The following C12orf43 variants were observed in gnomAD, a reference collection of about 807,000 sequenced individuals.
The protein encoded by C12orf43 is chromosome 12 open reading frame 43.
A neutral mutation model predicts 20.6 loss-of-function variants in C12orf43; 15 were observed. That is an observed-to-expected ratio of 0.73 (90% CI 0.49 to 1.12). C12orf43 has a LOEUF of 1.12. Among genes scored for constraint, C12orf43 ranks in the 50% most tolerant of loss-of-function variants. The pLI is 0.00. For missense variants in C12orf43, 334 were observed against 344.4 expected (o/e 0.97, Z 0.24); for synonymous variants, 144 against 130.8 (o/e 1.10, Z -0.69).
intron 3 of C12orf43, among the ~76,000 whole-genome samples, chr12:121,008,459 G>T (rs1878193613): frequency 6.6e-6 from 1 of 152,160 alleles, no homozygotes; most frequent in Non-Finnish European, 1.5e-5. Context: ...GATTTCTTTG[G>T]AGAAACATGA....
At chr12:121,015,439 T>C (rs1868814563) in intron 1 of C12orf43, among the ~76,000 whole-genome samples, 1 of 152,252 alleles carries the variant, frequency 6.6e-6, no homozygotes, top group South Asian at 2.1e-4. Context: ...TGAAGCCCGG[T>C]TCTCTTCTCA....
In C12orf43 at chr12:121,016,388, C is replaced by T. The variant is rs1468960734; in HGVS notation, c.87G>A (p.Ala29=). The change falls in exon 1 of 6, where the codon GCG becomes GCA. Residue 29 remains alanine, a synonymous_variant. Transcript: ENST00000288757. Reference sequence around the variant, plus strand: ...GCTCCAAGCCCCAAGCCGGCATTGCCGCCTCGCGGCACCGCTCCAGCTCCT... The same window carrying T: ...GCTCCAAGCCCCAAGCCGGCATTGCTGCCTCGCGGCACCGCTCCAGCTCCT... ...DAEELERCRE[A]AMPAWGLEQR... is the part of the protein sequence containing the mutation. 1.2e-6 allele frequency: 2 copies of T among 1,613,948 alleles called. No individual in the cohort carries two copies. The highest frequency in any genetic ancestry group is 4.5e-5 in the East Asian group (2 of 44,886).
In C12orf43 at chr12:121,004,290, C is replaced by T; in HGVS notation, c.652G>A (p.Val218Ile). ...AATTPTSMAT[V>I]QKQKSGELNG... ...AGCTCACCTGACTTCTGCTTCTGGACTGTGGCCATGCTGGTGGGGGTGGTG... is the reference window on the plus strand; with the variant it reads ...AGCTCACCTGACTTCTGCTTCTGGATTGTGGCCATGCTGGTGGGGGTGGTG... The change falls in exon 6 of 6, where the codon GTC becomes ATC. Residue 218 changes from valine to isoleucine, a missense_variant. Val to Ile is a conservative substitution (Grantham distance 29). Transcript: ENST00000288757. The surrounding 1 kb of genome is among the most constrained non-coding windows in gnomAD (Gnocchi z 5.6). The T allele has an allele frequency of 6.2e-7, 1 of 1,614,250 alleles. No homozygotes were observed. Among genetic ancestry groups the T allele is most frequent in the Non-Finnish European group, 8.5e-7 (1 of 1,180,048 alleles).
At chr12:121,008,429 C>G (rs1211426976) in intron 3 of C12orf43, among the ~76,000 whole-genome samples, 2 of 152,236 alleles carry the variant, frequency 1.3e-5, no homozygotes, top group East Asian at 1.9e-4. Flanking sequence ...GCTGCCACGC[C>G]TGGCCTAAGG....
At position 121,002,530 on chromosome 12, in the gene C12orf43, A is replaced by G. The variant is rs1245829660; in HGVS notation, c.*1623T>C. The G allele has an allele frequency of 2.0e-6, 1 of 499,364 alleles. No homozygotes were observed. Among genetic ancestry groups the G allele is most frequent in the Non-Finnish European group, 3.9e-6 (1 of 253,290 alleles). 30.9% of individuals were successfully genotyped at this position (499,364 alleles called of 1,614,324 possible). A position where few individuals can be genotyped will look rare whatever the true frequency, so the allele number is the denominator to read the frequency against. On this transcript the variant is annotated 3_prime_UTR_variant, in exon 6 of 6. Transcript: ENST00000288757. ...GGTGGAAACTTCTTGCTTGTCCACA[A>G]ATCATTCAGATGGGGTTTGGGCAGG...
At chr12:121,010,041 C>T (rs887311916) in intron 3 of C12orf43, among the ~76,000 whole-genome samples, 8 of 152,254 alleles carry the variant, frequency 5.3e-5, no homozygotes, top group African/African-American at 1.7e-4. Flanking sequence ...GTGGCTCACG[C>T]TTGTAATCCC....
intron 1 of C12orf43, among the ~76,000 whole-genome samples, chr12:121,014,964 G>T: frequency 6.8e-6 from 1 of 146,948 alleles, no homozygotes; most frequent in Non-Finnish European, 1.5e-5. Context: ...TCCTAGTTTT[G>T]AAAAAAAAAA....
rs1221159437 is a variant in C12orf43, at chr12:121,011,179, A to T, written c.146-33T>A. 4 of 1,604,368 alleles carry T rather than the reference A, an allele frequency of 2.5e-6. No homozygotes were observed. In the East Asian group the frequency reaches 8.9e-5, roughly 36 times the overall value. Reference sequence around the variant, plus strand: ...AAAATGAAAATTAGGGCATTTATAGAGGAAACAATGACAGCAACAACAAAT... The same window carrying T: ...AAAATGAAAATTAGGGCATTTATAGTGGAAACAATGACAGCAACAACAAAT... On this transcript the variant is annotated intron_variant, in intron 1 of 5. Coordinates refer to ENST00000288757, the MANE Select transcript of C12orf43 (RefSeq NM_022895.3).
At position 121,005,823 on chromosome 12, in the gene C12orf43, G is replaced by A; in HGVS notation, c.361+498C>T. On this transcript the variant is annotated intron_variant, in intron 4 of 5. Transcript: ENST00000288757. This position sits in a 1 kb window ranked among gnomAD's most constrained non-coding sequence, Gnocchi z 5.6. ...AAGAATGGTGAGGTGGCCCATGCCT[G>A]TAACCCCAGTACTTTGGTAGTCTGA... 6.3e-6 allele frequency: 1 copy of A among 159,820 alleles called. No individual in the cohort carries two copies. Among genetic ancestry groups the A allele is most frequent in the Non-Finnish European group, 1.4e-5 (1 of 72,972 alleles). The allele number at this position is 159,820 out of a possible 1,614,324, so 9.9% of individuals were successfully genotyped here. A position where few individuals can be genotyped will look rare whatever the true frequency, so the allele number is the denominator to read the frequency against.
chr12:121,000,873 G>A lies in C12orf43; in HGVS notation c.*3280C>T. 1 of 699,120 alleles carries A rather than the reference G, an allele frequency of 1.4e-6. No homozygotes were observed. The highest frequency in any genetic ancestry group is 1.7e-5 in the South Asian group (1 of 59,984). The allele number at this position is 699,120 out of a possible 1,614,324, so 43.3% of individuals were successfully genotyped here. A position where few individuals can be genotyped will look rare whatever the true frequency, so the allele number is the denominator to read the frequency against. ...AAGATGTACTCAGGCCACTCCATGG[G>A]CGGCCGTGGACCCTGGCTGGGAGGC... On this transcript the variant is annotated 3_prime_UTR_variant, in exon 6 of 6. Coordinates refer to ENST00000288757, the MANE Select transcript of C12orf43 (RefSeq NM_022895.3).
intron 1 of C12orf43, 113 bp downstream of exon 1, chr12:121,016,217 C>G (rs1474099877): frequency 2.6e-6 from 4 of 1,520,278 alleles, no homozygotes; most frequent in Admixed American, 3.4e-5. Context: ...CCCTGGAGGT[C>G]TCTCGGGGAA....
chr12:121,000,955 G>A lies in C12orf43; in HGVS notation c.*3198C>T, dbSNP rs779891769. ...CTTTGGGGTTCCTGTTATCTGCTGT[G>A]ATCCAGGAGGTGTGGCCCTGCCTCC... On this transcript the variant is annotated 3_prime_UTR_variant, in exon 6 of 6. Coordinates refer to ENST00000288757, the MANE Select transcript of C12orf43 (RefSeq NM_022895.3). 4.4e-4 allele frequency: 640 copies of A among 1,447,002 alleles called. No homozygotes were observed. The highest frequency in any genetic ancestry group is 4.3e-4 in the Non-Finnish European group (445 of 1,043,086). 89.6% of individuals were successfully genotyped at this position (1,447,002 alleles called of 1,614,324 possible).
At chr12:121,016,146 G>A (rs1592926357) in intron 1 of C12orf43, 184 bp downstream of exon 1, 2 of 925,620 alleles carry the variant, frequency 2.2e-6, no homozygotes, top group East Asian at 2.6e-5. Flanking sequence ...TCCCCGACTG[G>A]AATAATGAAA....
chr12:121,009,660 A>G (rs1878296513), intron 3 of C12orf43, among the ~76,000 whole-genome samples: 1 of 152,234 alleles, frequency 6.6e-6, no homozygotes, highest in Non-Finnish European at 1.5e-5. Flanking sequence ...CTCCCCAGAC[A>G]CTGAATCTGC....
Position 121,002,127 on chromosome 12 carries a change from A to C in C12orf43, c.*2026T>G. ...GCTCACAAGGCAGCAAGGCCCGAGC[A>C]GCTGAGCAGGGCCGGGGAACTGGCC... On this transcript the variant is annotated 3_prime_UTR_variant, in exon 6 of 6. Coordinates refer to ENST00000288757, the MANE Select transcript of C12orf43 (RefSeq NM_022895.3). 1.9e-6 allele frequency: 1 copy of C among 528,908 alleles called. No individual in the cohort carries two copies. The highest frequency in any genetic ancestry group is 1.9e-5 in the African/African-American group (1 of 53,852). The allele number at this position is 528,908 out of a possible 1,614,324, so 32.8% of individuals were successfully genotyped here.
intron 1 of C12orf43, among the ~76,000 whole-genome samples, chr12:121,014,822 T>C (rs1014030763): frequency 1.3e-5 from 2 of 151,626 alleles, no homozygotes; most frequent in Middle Eastern, 3.4e-3. Context: ...CTACAAAAAA[T>C]ACAAAAAGTA....
Position 121,010,940 on chromosome 12 carries a change from A to ACCTT in C12orf43, c.189-15_189-14insAAGG. On this transcript the variant is annotated splice_polypyrimidine_tract_variant and intron_variant, in intron 2 of 5. Transcript: ENST00000288757. Reference sequence around the variant, plus strand: ...TTCACCTTATGCCTACGACACACACAAAGAGACCTCACTTCCTGCCCGCTC... The same window carrying ACCTT: ...TTCACCTTATGCCTACGACACACACACCTTAAGAGACCTCACTTCCTGCCCGCTC... 3 of 1,613,936 alleles carry ACCTT rather than the reference A, an allele frequency of 1.9e-6. No individual in the cohort carries two copies. In the South Asian group the frequency reaches 3.3e-5, roughly 18 times the overall value.
chr12:121,010,495 A>G (rs1328977063), intron 3 of C12orf43, among the ~76,000 whole-genome samples: 1 of 152,148 alleles, frequency 6.6e-6, no homozygotes, highest in African/African-American at 2.4e-5. Flanking sequence ...AACAGTCCCT[A>G]CCTCTCAGGG....
At chr12:121,014,276 G>C (rs954918653) in intron 1 of C12orf43, among the ~76,000 whole-genome samples, 29 of 152,038 alleles carry the variant, frequency 1.9e-4, no homozygotes, top group African/African-American at 7.0e-4. Context: ...AGGTTGCAGG[G>C]AGCCAAGATC....
Sources: gnomAD v4.1 joint callset for allele counts (sites outside exome capture counted in the v4.1 genomes callset) on GRCh38, gnomAD v4.1.1 for gene constraint, Gnocchi (gnomAD v3.1) non-coding constraint, MANE v1.5 for transcripts, NCBI Gene and HGNC (gene_info 2026-07-23, HGNC 2026-07-21) for gene names.